STARD13: variants seen among roughly 807,000 people sequenced by gnomAD.
STARD13 encodes StAR related lipid transfer domain containing 13.
A neutral mutation model predicts 106.4 loss-of-function variants in STARD13; 62 were observed. The observed-to-expected ratio is 0.58, with a 90% CI of 0.48 to 0.72. STARD13 has a LOEUF of 0.72. Among genes scored for constraint, STARD13 ranks in the 30% least tolerant of loss-of-function variants. The probability of loss-of-function intolerance (pLI) is 0.00; values close to 1 mark genes in which losing one functional copy is unlikely to be tolerated. For synonymous variants in STARD13, 565 were observed against 553.0 expected, an observed-to-expected ratio of 1.02 and a Z score of -0.31; for missense variants, 1,387 against 1,424.0, an observed-to-expected ratio of 0.97 and a Z score of 0.42.
At chr13:33,662,001 G>GC in the STARD13 span, among the ~76,000 whole-genome samples, 1 of 152,088 alleles carries the variant, frequency 6.6e-6, no homozygotes, top group East Asian at 1.9e-4. Flanking sequence ...GGTGGCTCAT[G>GC]CCTGTAATCC....
the STARD13 span, among the ~76,000 whole-genome samples, chr13:33,528,831 A>G: frequency 6.6e-6 from 1 of 152,102 alleles, no homozygotes; most frequent in Admixed American, 6.6e-5. Flanking sequence ...CTAAGTTCAT[A>G]TCATGATTCC....
At chr13:33,461,675 C>T in the STARD13 span, among the ~76,000 whole-genome samples, 1 of 152,024 alleles carries the variant, frequency 6.6e-6, no homozygotes, top group South Asian at 2.1e-4. Flanking sequence ...ACAGTTTAGG[C>T]TTTTTATCTT....
At chr13:33,609,444 A>G in the STARD13 span, among the ~76,000 whole-genome samples, 2 of 152,212 alleles carry the variant, frequency 1.3e-5, no homozygotes, top group Non-Finnish European at 2.9e-5. Context: ...AGTTTTGGTG[A>G]AAATCTTGAT....
the STARD13 span, among the ~76,000 whole-genome samples, chr13:33,514,498 T>A: frequency 3.9e-5 from 6 of 151,964 alleles, no homozygotes; most frequent in Non-Finnish European, 8.8e-5. Context: ...GGAGAGAGGG[T>A]GGCGGTCAAA....
At chr13:33,413,516 G>A in the STARD13 span, among the ~76,000 whole-genome samples, 2 of 152,100 alleles carry the variant, frequency 1.3e-5, no homozygotes, top group Non-Finnish European at 2.9e-5. Context: ...AAAAACTTTC[G>A]CTCTGTGAAC....
chr13:33,624,972 G>A, the STARD13 span, among the ~76,000 whole-genome samples: 1,191 of 152,292 alleles, frequency 7.8e-3, 10 homozygotes, highest in African/African-American at 0.027. Context: ...CAAGGAAGAT[G>A]TCATCCTGTT....
At chr13:33,200,636 C>T (rs189775245) in intron 1 of STARD13, among the ~76,000 whole-genome samples, 1 of 152,312 alleles carries the variant, frequency 6.6e-6, no homozygotes, top group Admixed American at 6.5e-5. Context: ...CACTCCTTCA[C>T]CTTTTAAACA....
chr13:33,171,859 C>T (rs972672780), intron 1 of STARD13, among the ~76,000 whole-genome samples: 11 of 152,324 alleles, frequency 7.2e-5, no homozygotes, highest in Non-Finnish European at 1.5e-4. Flanking sequence ...GCCTCAGTTG[C>T]CTTACACATG....
chr13:33,596,517 A>G, the STARD13 span, among the ~76,000 whole-genome samples: 10,821 of 152,252 alleles, frequency 0.071, 408 homozygotes, highest in East Asian at 0.098. Flanking sequence ...CATTTAGGAC[A>G]TTTATCACCT....
chr13:33,350,620 G>T (rs2078068186), exon 1 of STARD13: 1 of 1,381,084 alleles, frequency 7.2e-7, no homozygotes, highest in African/African-American at 1.5e-5. Context: ...GAAACGCCGC[G>T]CTAGGTTATT....
chr13:33,537,461 T>A, the STARD13 span, among the ~76,000 whole-genome samples: 3 of 152,218 alleles, frequency 2.0e-5, no homozygotes, highest in African/African-American at 7.2e-5. Flanking sequence ...CAAGTAGGTA[T>A]CTTATTTGAC....
chr13:33,110,007 C>T lies in STARD13; in HGVS notation c.2913G>A (p.Leu971=), dbSNP rs754558856. ...APPSVVLNRV[L]RERHLWDEDF... Reference sequence around the variant, plus strand: ...CCTCGTCCCACAGGTGGCGCTCTCTCAGCACGCGGTTCAGGACCACTGAGG... The same window carrying T: ...CCTCGTCCCACAGGTGGCGCTCTCTTAGCACGCGGTTCAGGACCACTGAGG... The change falls in exon 12 of 14, where the codon CTG becomes CTA. Residue 971 remains leucine, a synonymous_variant. Coordinates refer to ENST00000336934, the MANE Select transcript of STARD13 (RefSeq NM_178006.4). The T allele has an allele frequency of 5.6e-5, 90 of 1,614,140 alleles. No individual in the cohort carries two copies. The highest frequency in any genetic ancestry group is 7.3e-5 in the Non-Finnish European group (86 of 1,180,052).
At chr13:33,381,019 A>G in the STARD13 span, among the ~76,000 whole-genome samples, 1 of 152,212 alleles carries the variant, frequency 6.6e-6, no homozygotes, top group Non-Finnish European at 1.5e-5. Context: ...AAATTCTAGA[A>G]GCAAAAATAT....
In STARD13 at chr13:33,118,508, C is replaced by T. The variant is rs112604415; in HGVS notation, c.2083-245G>A. On this transcript the variant is annotated intron_variant, in intron 7 of 13. Coordinates refer to ENST00000336934, the MANE Select transcript of STARD13 (RefSeq NM_178006.4). ...AAGTGAGGAAATAGATGTGCATGTG[C>T]TTTGCGACCTGTTACATCTTATCAC... 1.9e-3 allele frequency among the ~76,000 whole-genome samples: 289 copies of T among 152,306 alleles called. 1 individual carries two copies. The highest frequency in any genetic ancestry group is 5.8e-3 in the African/African-American group (242 of 41,568).
chr13:33,665,579 G>A, the STARD13 span, among the ~76,000 whole-genome samples: 8 of 152,088 alleles, frequency 5.3e-5, no homozygotes, highest in Non-Finnish European at 1.2e-4. Context: ...TAATTTTGAT[G>A]GAAAGACAAT....
At chr13:33,668,787 C>A in the STARD13 span, among the ~76,000 whole-genome samples, 1 of 152,206 alleles carries the variant, frequency 6.6e-6, no homozygotes, top group East Asian at 1.9e-4. Flanking sequence ...TGCATCTAGC[C>A]CTGAAGATCA....
intron 1 of STARD13, chr13:33,278,353 G>A (rs1891566354): frequency 1.3e-5 from 2 of 152,118 alleles, no homozygotes; most frequent in Admixed American, 1.3e-4. Context: ...ATTGCCTGTG[G>A]ATAATCTCCA....
intron 7 of STARD13, among the ~76,000 whole-genome samples, chr13:33,125,048 A>G (rs946949767): frequency 6.6e-6 from 1 of 152,226 alleles, no homozygotes; most frequent in African/African-American, 2.4e-5. Flanking sequence ...ACTTCAAATG[A>G]AGAAGTTACT....
the STARD13 span, among the ~76,000 whole-genome samples, chr13:33,384,068 T>C: frequency 1.3e-5 from 2 of 152,152 alleles, no homozygotes; most frequent in African/African-American, 2.4e-5. Context: ...ACCTGCAAGA[T>C]AAATTATCCC....
Sources: gnomAD v4.1 joint callset for allele counts (sites outside exome capture counted in the v4.1 genomes callset) on GRCh38, gnomAD v4.1.1 for gene constraint, MANE v1.5 for transcripts, NCBI Gene and HGNC (gene_info 2026-07-23, HGNC 2026-07-21) for gene names.